GFRA2: variants seen among roughly 807,000 people sequenced by gnomAD.
GFRA2 encodes the protein GDNF family receptor alpha-2.
GFRA2 carries 17 observed loss-of-function variants against 48.3 expected under a neutral mutation model. The ratio of observed to expected loss-of-function variants is 0.35; its 90% confidence interval spans 0.24 to 0.53. The LOEUF (loss-of-function observed/expected upper bound fraction) is 0.53, where lower values mean the gene tolerates loss of function less well. Among genes scored for constraint, GFRA2 ranks in the 20% least tolerant of loss-of-function variants. GFRA2 has a pLI of 0.93. For missense variants in GFRA2, 660 were observed against 637.3 expected, an observed-to-expected ratio of 1.04 and a Z score of -0.38; for synonymous variants, 305 against 257.2, an observed-to-expected ratio of 1.19 and a Z score of -1.78.
At chr8:21,800,698 G>A (rs900682790) in intron 2 of GFRA2, among the ~76,000 whole-genome samples, 32 of 152,356 alleles carry the variant, frequency 2.1e-4, no homozygotes, top group African/African-American at 7.5e-4. Flanking sequence ...GCCAAGGCAG[G>A]AGGATGGCTT....
chr8:21,782,555 T>G (rs952389239), intron 2 of GFRA2, 30 bp downstream of exon 2: 9 of 1,513,876 alleles, frequency 5.9e-6, no homozygotes, highest in Non-Finnish European at 8.0e-6. Context: ...CCACACCCCC[T>G]CCCCTTGGGC....
At chr8:21,784,576 A>G (rs1423282129) in intron 1 of GFRA2, among the ~76,000 whole-genome samples, 1 of 152,140 alleles carries the variant, frequency 6.6e-6, no homozygotes, top group East Asian at 1.9e-4. Context: ...GAGCCCCCAG[A>G]GAACAGGAAT....
At chr8:21,703,770 C>G (rs1452895263) in intron 6 of GFRA2, among the ~76,000 whole-genome samples, 1 of 152,168 alleles carries the variant, frequency 6.6e-6, no homozygotes, top group African/African-American at 2.4e-5. Flanking sequence ...TCTCCCATCG[C>G]TGTTCCCCTC....
chr8:21,761,288 G>T (rs569783470), intron 3 of GFRA2, among the ~76,000 whole-genome samples: 7 of 152,326 alleles, frequency 4.6e-5, no homozygotes, highest in Middle Eastern at 3.4e-3. Flanking sequence ...GTAAAGTAAG[G>T]CTGGATTGAC....
chr8:21,740,055 T>C (rs1380128214), intron 4 of GFRA2, among the ~76,000 whole-genome samples: 1 of 152,134 alleles, frequency 6.6e-6, no homozygotes. Flanking sequence ...CACAGTGCAG[T>C]GGACAGAGTC....
At chr8:21,789,697 AC>A (rs1807492715), upstream of GFRA2, among the ~76,000 whole-genome samples, 1 of 151,552 alleles carries the variant, frequency 6.6e-6, no homozygotes, top group Non-Finnish European at 1.5e-5. Flanking sequence ...GACCTCGGGA[AC>A]TTTGCCCTCA....
At chr8:21,777,671 T>A (rs1418889024) in intron 2 of GFRA2, among the ~76,000 whole-genome samples, 1 of 151,924 alleles carries the variant, frequency 6.6e-6, no homozygotes, top group Non-Finnish European at 1.5e-5. Flanking sequence ...CAGCCAAGAG[T>A]GGCAGCCCCC....
chr8:21,787,983 G>T (rs1807367720), intron 1 of GFRA2, 137 bp downstream of exon 1: 1 of 464,646 alleles, frequency 2.2e-6, no homozygotes, highest in African/African-American at 2.1e-5. Flanking sequence ...CGCTCGGTTC[G>T]CCAGCACCGG....
At chr8:21,803,545 T>C (rs1002011339) in intron 2 of GFRA2, among the ~76,000 whole-genome samples, 14 of 152,212 alleles carry the variant, frequency 9.2e-5, no homozygotes, top group African/African-American at 3.4e-4. Context: ...ACAAAGTGAC[T>C]GGCAATGGCA....
intron 4 of GFRA2, chr8:21,706,260 T>C (rs757569187): frequency 4.3e-5 from 28 of 654,872 alleles, no homozygotes; most frequent in Non-Finnish European, 6.4e-5. Flanking sequence ...AGGCACATAG[T>C]GCGGCTTAAG....
chr8:21,776,307 T>C (rs1806704271), intron 2 of GFRA2, among the ~76,000 whole-genome samples: 2 of 149,404 alleles, frequency 1.3e-5, no homozygotes, highest in East Asian at 4.0e-4. Context: ...CCCCAAGAAA[T>C]GGGGCAGCCC....
intron 2 of GFRA2, among the ~76,000 whole-genome samples, chr8:21,799,997 C>G (rs1807743290): frequency 1.3e-5 from 2 of 152,240 alleles, no homozygotes; most frequent in African/African-American, 4.8e-5. Context: ...GCATGGTGCA[C>G]TTTGGCTAGG....
chr8:21,769,255 C>T (rs377628919), intron 3 of GFRA2: 1 of 649,890 alleles, frequency 1.5e-6, no homozygotes, highest in East Asian at 1.4e-4. Context: ...CCGCCCCAGC[C>T]CCGCCCCTGC....
At chr8:21,778,056 G>C (rs1426868209) in intron 2 of GFRA2, among the ~76,000 whole-genome samples, 2 of 152,194 alleles carry the variant, frequency 1.3e-5, no homozygotes, top group African/African-American at 4.8e-5. Flanking sequence ...CAGGAAGGCG[G>C]AGCACAGCCC....
At chr8:21,793,866 G>GT (rs770753159), upstream of GFRA2, among the ~76,000 whole-genome samples, 551 of 135,300 alleles carry the variant, frequency 4.1e-3, 1 homozygote, top group Non-Finnish European at 3.9e-3. Context: ...GAGAATCAAA[G>GT]TTTTTTTTTT....
chr8:21,806,065 G>T (rs538394301), intron 1 of GFRA2, among the ~76,000 whole-genome samples: 1 of 152,306 alleles, frequency 6.6e-6, no homozygotes, highest in East Asian at 1.9e-4. Flanking sequence ...CCTGCAAAGG[G>T]TCGAGGCAGC....
intron 4 of GFRA2, among the ~76,000 whole-genome samples, chr8:21,728,772 A>T (rs933749963): frequency 6.6e-6 from 1 of 152,240 alleles, no homozygotes; most frequent in Admixed American, 6.5e-5. Flanking sequence ...CCTTATCTGA[A>T]CACAAAGAAA....
At chr8:21,784,452 C>G (rs1563265663) in intron 1 of GFRA2, 2 of 412,774 alleles carry the variant, frequency 4.8e-6, no homozygotes, top group Non-Finnish European at 1.0e-5. Context: ...CCATCCCTAC[C>G]CAGAACAGCC....
chr8:21,766,328 G>A (rs1292514524), intron 3 of GFRA2, among the ~76,000 whole-genome samples: 1 of 151,876 alleles, frequency 6.6e-6, no homozygotes, highest in Non-Finnish European at 1.5e-5. Context: ...TTTGTTTGTT[G>A]GCTTGTTTTC....
Sources: allele counts gnomAD v4.1 joint callset (sites outside exome capture counted in the v4.1 genomes callset), GRCh38; gene constraint gnomAD v4.1.1; transcripts MANE v1.5; gene names NCBI Gene and HGNC (gene_info 2026-07-23, HGNC 2026-07-21).